Variants in KCNAB2 observed in about 807,000 individuals in gnomAD.
KCNAB2 encodes potassium voltage-gated channel subfamily A regulatory beta subunit 2.
KCNAB2 carries 29 observed loss-of-function variants against 63.6 expected under a neutral mutation model. That is an observed-to-expected ratio of 0.46 (90% CI 0.34 to 0.62). The LOEUF is 0.62. Ranked by LOEUF, KCNAB2 falls within the 20% of genes least tolerant of loss-of-function variation. The pLI is 0.01. For synonymous variants in KCNAB2, 222 were observed against 224.2 expected (o/e 0.99, Z 0.09); for missense variants, 359 against 563.9 (o/e 0.64, Z 3.68).
At position 6,025,029 on chromosome 1, in the gene KCNAB2, C is replaced by T. The variant is rs540048859; in HGVS notation, c.-52-15488C>T. ...CCCAGCTCTCCGTCATGGCGCCTCGCTCTTTCTTTTTCATTTTCCCATTCG... is the reference window on the plus strand; with the variant it reads ...CCCAGCTCTCCGTCATGGCGCCTCGTTCTTTCTTTTTCATTTTCCCATTCG... On this transcript the variant is annotated intron_variant, in intron 1 of 16. Coordinates refer to the KCNAB2 transcript ENST00000341524. 7.2e-5 allele frequency among the ~76,000 whole-genome samples: 11 copies of T among 152,360 alleles called. No homozygotes were observed. The East Asian group carries it at 2.1e-3, about 29-fold the overall frequency.
intron 1 of KCNAB2, among the ~76,000 whole-genome samples, 173 bp from the exon 2 acceptor site, chr1:6,051,338 T>G (rs1195351205): frequency 6.6e-6 from 1 of 152,218 alleles, no homozygotes; most frequent in East Asian, 1.9e-4. Flanking sequence ...GAGAATCTCA[T>G]GCCAAGAGGT....
intron 2 of KCNAB2, among the ~76,000 whole-genome samples, chr1:6,053,155 G>A (rs1661530437): frequency 6.6e-6 from 1 of 152,138 alleles, no homozygotes; most frequent in South Asian, 2.1e-4. Context: ...GTAAAGGAAG[G>A]ACAAAGGGTC....
At chr1:5,997,676 T>C (rs1414272992) in intron 1 of KCNAB2, among the ~76,000 whole-genome samples, 1 of 152,152 alleles carries the variant, frequency 6.6e-6, no homozygotes, top group Admixed American at 6.5e-5. Context: ...CAGAAGACTC[T>C]AGAATTCTGC....
chr1:6,084,641 C>G (rs902888413), intron 5 of KCNAB2, among the ~76,000 whole-genome samples: 1 of 152,166 alleles, frequency 6.6e-6, no homozygotes, highest in South Asian at 2.1e-4. Flanking sequence ...CATAGTGAAA[C>G]CCCGTCTCTA....
intron 1 of KCNAB2, among the ~76,000 whole-genome samples, chr1:6,001,062 T>G (rs980331517): frequency 6.6e-6 from 1 of 151,974 alleles, no homozygotes; most frequent in Non-Finnish European, 1.5e-5. Context: ...AGAGACAGCA[T>G]GGGGTGTCAG....
At chr1:6,039,189 A>G (rs1455521250) in intron 1 of KCNAB2, among the ~76,000 whole-genome samples, 2 of 152,128 alleles carry the variant, frequency 1.3e-5, no homozygotes, top group Admixed American at 1.3e-4. Flanking sequence ...GAGGAGCCGC[A>G]AGCGCAAGCA....
chr1:6,062,821 T>G (rs997872464), intron 2 of KCNAB2, among the ~76,000 whole-genome samples: 3 of 152,076 alleles, frequency 2.0e-5, no homozygotes, highest in Non-Finnish European at 4.4e-5. Context: ...GAAATATAAT[T>G]CACGTGCCAT....
chr1:6,042,841 C>CCG, upstream of KCNAB2, among the ~76,000 whole-genome samples: 1 of 64,440 alleles, frequency 1.6e-5, no homozygotes, highest in African/African-American at 6.6e-5. Flanking sequence ...CCCCCACTCC[C>CCG]CACCCCCCCC....
intron 4 of KCNAB2, among the ~76,000 whole-genome samples, chr1:6,080,368 C>T (rs567717733): frequency 1.9e-4 from 29 of 152,290 alleles, no homozygotes; most frequent in African/African-American, 6.7e-4. Flanking sequence ...TGGGTGGGCA[C>T]ATCCGGGAGG....
chr1:6,087,633 G>A lies in KCNAB2; in HGVS notation c.470+122G>A. 2 of 1,036,284 alleles carry A rather than the reference G, an allele frequency of 1.9e-6. No individual in the cohort carries two copies. The highest frequency in any genetic ancestry group is 1.6e-5 in the African/African-American group (1 of 63,362). The allele number at this position is 1,036,284 out of a possible 1,614,324, so 64.2% of individuals were successfully genotyped here. A position where few individuals can be genotyped will look rare whatever the true frequency, so the allele number is the denominator to read the frequency against. ...GGGAGGACAGTCCTCCTTGAGAAGG[G>A]AGAGTGGTCGGGGTCTGTCCTGGAC... On this transcript the variant is annotated intron_variant, in intron 7 of 15. Transcript: ENST00000378083. The surrounding 1 kb of genome is among the most constrained non-coding windows in gnomAD (Gnocchi z 6.4).
chr1:6,075,669 G>A (rs528751352), intron 4 of KCNAB2, among the ~76,000 whole-genome samples: 2 of 152,252 alleles, frequency 1.3e-5, no homozygotes, highest in African/African-American at 4.8e-5. Flanking sequence ...GGCTCAGTCC[G>A]AGCCAGCAGG....
Position 6,072,621 on chromosome 1 carries a change from C to T in KCNAB2, c.219-134C>T, listed in dbSNP as rs923075318. ...GCAGAGGCACCTCTCTGAAGGTCCCCGGTGCCTTTCGGAGCCTCCAAACAC... is the reference window on the plus strand; with the variant it reads ...GCAGAGGCACCTCTCTGAAGGTCCCTGGTGCCTTTCGGAGCCTCCAAACAC... On this transcript the variant is annotated intron_variant, in intron 2 of 15. Transcript: ENST00000378083. The T allele has an allele frequency of 6.4e-6, 6 of 930,560 alleles. No individual in the cohort carries two copies. In the East Asian group the frequency reaches 7.3e-5, roughly 11 times the overall value. 57.6% of individuals were successfully genotyped at this position (930,560 alleles called of 1,614,324 possible).
At chr1:6,083,028 C>G (rs1197388992) in intron 5 of KCNAB2, among the ~76,000 whole-genome samples, 1 of 152,158 alleles carries the variant, frequency 6.6e-6, no homozygotes, top group African/African-American at 2.4e-5. Context: ...GGGAACCCAA[C>G]TGGGCCCTGC....
At chr1:6,059,699 A>T (rs1662144944) in intron 2 of KCNAB2, among the ~76,000 whole-genome samples, 1 of 152,156 alleles carries the variant, frequency 6.6e-6, no homozygotes, top group Non-Finnish European at 1.5e-5. Context: ...GGAGAGTTGC[A>T]TGGGAAACAG....
chr1:6,051,021 T>C (rs908884015), intron 1 of KCNAB2, among the ~76,000 whole-genome samples: 4 of 152,214 alleles, frequency 2.6e-5, no homozygotes, highest in African/African-American at 9.7e-5. Context: ...ACAGGAGAGT[T>C]TACTTCAGCA....
At chr1:6,090,310 G>T (rs941496078) in intron 8 of KCNAB2, 79 bp from the exon 9 acceptor site, 6 of 1,001,628 alleles carry the variant, frequency 6.0e-6, no homozygotes, top group Non-Finnish European at 9.2e-6. Flanking sequence ...CTTGTTCCCT[G>T]AGCCGGGCAT....
chr1:6,041,693 A>T, upstream of KCNAB2: 1 of 714,366 alleles, frequency 1.4e-6, no homozygotes, highest in Non-Finnish European at 2.5e-6. Flanking sequence ...TGCCCTGAGC[A>T]GGCGACTGGT....
upstream of KCNAB2, among the ~76,000 whole-genome samples, chr1:6,042,536 T>C (rs1464418493): frequency 1.3e-5 from 2 of 152,102 alleles, no homozygotes; most frequent in African/African-American, 4.8e-5. Flanking sequence ...CCCTCACCTG[T>C]AAGGCAGGGG....
rs1665907020 is a variant in KCNAB2, at chr1:6,099,747, C to T, written c.*1173C>T. ...GCACCCCCACAATGTAGGAAAAGAC[C>T]TCAGGGAACCTCTCCCTGGAAAGAC... On this transcript the variant is annotated 3_prime_UTR_variant, in exon 16 of 16. Transcript: ENST00000378083. 3 of 1,454,146 alleles carry T rather than the reference C, an allele frequency of 2.1e-6. No individual in the cohort carries two copies. The East Asian group carries it at 7.5e-5, about 36-fold the overall frequency. 90.1% of individuals were successfully genotyped at this position (1,454,146 alleles called of 1,614,324 possible).
Sources: allele counts gnomAD v4.1 joint callset (sites outside exome capture counted in the v4.1 genomes callset), GRCh38; gene constraint gnomAD v4.1.1; non-coding constraint Gnocchi (gnomAD v3.1); transcripts MANE v1.5; gene names NCBI Gene and HGNC (gene_info 2026-07-23, HGNC 2026-07-21).